Variants in NOCT observed in about 807,000 individuals in gnomAD.
NOCT encodes the protein CCR4 carbon catabolite repression 4-like.
NOCT carries 18 observed loss-of-function variants against 35.0 expected under a neutral mutation model. The observed-to-expected ratio is 0.51, with a 90% CI of 0.36 to 0.76. The LOEUF (loss-of-function observed/expected upper bound fraction) is 0.76, where lower values mean the gene tolerates loss of function less well. NOCT is among the 30% of genes least tolerant of loss of function. NOCT has a pLI of 0.01. For missense variants in NOCT, 479 were observed against 541.0 expected (o/e 0.89, Z 1.14); for synonymous variants, 235 against 226.3 (o/e 1.04, Z -0.34).
chr4:139,035,294 T>C (rs1183185228), intron 1 of NOCT, among the ~76,000 whole-genome samples: 1 of 152,068 alleles, frequency 6.6e-6, no homozygotes, highest in African/African-American at 2.4e-5. Context: ...GGTTAATTTG[T>C]TTTTGTTCTG....
chr4:139,016,233 G>C (rs1218637074), intron 1 of NOCT, 62 bp downstream of exon 1: 3 of 1,106,276 alleles, frequency 2.7e-6, no homozygotes, highest in Non-Finnish European at 2.3e-6. Flanking sequence ...CCGCCACCTG[G>C]AGACCGCGCG....
chr4:139,036,239 C>CT (rs1191719827), intron 1 of NOCT, among the ~76,000 whole-genome samples: 1 of 151,846 alleles, frequency 6.6e-6, no homozygotes, highest in Non-Finnish European at 1.5e-5. Flanking sequence ...GCACTAAAAC[C>CT]TTTTTTTTCC....
chr4:139,018,719 C>G (rs1726360335), intron 1 of NOCT, among the ~76,000 whole-genome samples: 1 of 152,088 alleles, frequency 6.6e-6, no homozygotes, highest in African/African-American at 2.4e-5. Context: ...AGTTTACTGC[C>G]CAGTAAGAGA....
At chr4:139,042,363 C>T (rs890950821) in intron 1 of NOCT, among the ~76,000 whole-genome samples, 1 of 152,036 alleles carries the variant, frequency 6.6e-6, no homozygotes, top group African/African-American at 2.4e-5. Context: ...GCCACCATGC[C>T]CAGCCTAGTC....
intron 1 of NOCT, among the ~76,000 whole-genome samples, chr4:139,023,901 C>G (rs920571553): frequency 6.6e-6 from 1 of 152,180 alleles, no homozygotes; most frequent in Admixed American, 6.6e-5. Flanking sequence ...GTCTCAGCAT[C>G]TGATGCGCCC....
In NOCT at chr4:139,045,482, C is replaced by A. The variant is rs142913176; in HGVS notation, c.*8C>A. On this transcript the variant is annotated 3_prime_UTR_variant, in exon 3 of 3. Transcript: ENST00000280614. ...TCTGATGGACTTTCATAAATACTTG[C>A]TTTTGTCTTTTTAATCACAGGAGTC... 67 of 875,412 alleles carry A rather than the reference C, an allele frequency of 7.7e-5. No individual in the cohort carries two copies. The African/African-American group carries it at 9.1e-4, about 12-fold the overall frequency. 54.2% of individuals were successfully genotyped at this position (875,412 alleles called of 1,614,324 possible).
At chr4:139,023,610 C>G (rs1038082845) in intron 1 of NOCT, among the ~76,000 whole-genome samples, 9 of 152,140 alleles carry the variant, frequency 5.9e-5, no homozygotes, top group African/African-American at 2.2e-4. Context: ...ATTCTCCTGC[C>G]TCAGCCTCCC....
chr4:139,044,536 G>T (rs529111888), intron 2 of NOCT, 103 bp from the exon 3 acceptor site: 45 of 684,380 alleles, frequency 6.6e-5, no homozygotes, highest in Non-Finnish European at 1.1e-4. Flanking sequence ...AGCATTTAAA[G>T]CAGAGGAAGC....
chr4:139,016,640 TG>T (rs1486703990), intron 1 of NOCT, among the ~76,000 whole-genome samples: 3 of 94,902 alleles, frequency 3.2e-5, no homozygotes, highest in African/African-American at 1.2e-4. Flanking sequence ...CGTTTTACGT[TG>T]TTTTTTTTTT....
chr4:139,021,365 T>G (rs1726409591), intron 1 of NOCT, among the ~76,000 whole-genome samples: 1 of 152,036 alleles, frequency 6.6e-6, no homozygotes, highest in African/African-American at 2.4e-5. Flanking sequence ...AAGCCTGTAA[T>G]CCCAGCACTT....
At chr4:139,034,545 C>T (rs1023873716) in intron 1 of NOCT, among the ~76,000 whole-genome samples, 5 of 151,814 alleles carry the variant, frequency 3.3e-5, no homozygotes, top group Non-Finnish European at 5.9e-5. Context: ...TTATTAATTC[C>T]CTAGCCCTGG....
In NOCT at chr4:139,034,495, T is replaced by C. The variant is rs75745651; in HGVS notation, c.191-8579T>C. Among the ~76,000 whole-genome samples the C allele has an allele frequency of 5.9e-3, 898 of 152,256 alleles. 10 individuals are homozygous for C. Among genetic ancestry groups the C allele is most frequent in the African/African-American group, 0.02 (840 of 41,538 alleles). ...GTAAGCCTTGGCACTGTGCTATAAG[T>C]ATAAAAATAATACGTAAAGTCTATC... On this transcript the variant is annotated intron_variant, in intron 1 of 2. Coordinates refer to ENST00000280614, the MANE Select transcript of NOCT (RefSeq NM_012118.4).
intron 1 of NOCT, among the ~76,000 whole-genome samples, chr4:139,041,467 C>G (rs1190055084): frequency 1.3e-5 from 2 of 152,128 alleles, no homozygotes; most frequent in Non-Finnish European, 1.5e-5. Flanking sequence ...GGATGTTACT[C>G]CCAGTAAAAT....
At chr4:139,026,916 C>G (rs1726531158) in intron 1 of NOCT, among the ~76,000 whole-genome samples, 1 of 6,944 alleles carries the variant, frequency 1.4e-4, no homozygotes, top group Non-Finnish European at 7.8e-4. Context: ...CGCTCTGTCG[C>G]CCAGGCTGGA....
At chr4:139,034,442 CTACAT>C (rs1560732528) in intron 1 of NOCT, among the ~76,000 whole-genome samples, 4 of 152,110 alleles carry the variant, frequency 2.6e-5, no homozygotes, top group African/African-American at 9.7e-5. Flanking sequence ...AATAGACTTA[CTACAT>C]TATAGTCCCT....
In NOCT at chr4:139,016,108, T is replaced by TC; in HGVS notation, c.133dup (p.Arg45ProfsTer32). On this transcript the variant is annotated frameshift_variant, in exon 1 of 3. Transcript: ENST00000280614. LOFTEE classifies it high-confidence loss of function. ...GCCGGCTGCTGTTCCCAGGCCCGCA[T>TC]CCCCCCGGCTGCTGGCGGCGGCCTC... 13 of 1,319,694 alleles carry TC rather than the reference T, an allele frequency of 9.9e-6. No homozygotes were observed. The highest frequency in any genetic ancestry group is 2.2e-5 in the South Asian group (1 of 44,758). 81.7% of individuals were successfully genotyped at this position (1,319,694 alleles called of 1,614,324 possible).
chr4:139,023,997 C>A (rs1004547266), intron 1 of NOCT, among the ~76,000 whole-genome samples: 23 of 150,552 alleles, frequency 1.5e-4, no homozygotes, highest in African/African-American at 5.6e-4. Flanking sequence ...TTCTTGAACT[C>A]CTGTTAGATT....
intron 1 of NOCT, among the ~76,000 whole-genome samples, chr4:139,034,004 C>G (rs1236384027): frequency 1.3e-5 from 2 of 152,048 alleles, no homozygotes; most frequent in Non-Finnish European, 2.9e-5. Flanking sequence ...GATTATAGCA[C>G]GTTTGAAATT....
At chr4:139,034,064 ATAGT>A (rs1221100063) in intron 1 of NOCT, among the ~76,000 whole-genome samples, 6 of 152,248 alleles carry the variant, frequency 3.9e-5, no homozygotes, top group Non-Finnish European at 5.9e-5. Context: ...AACTGAAAAT[ATAGT>A]TAAAGTTCAG....
Sources: allele counts gnomAD v4.1 joint callset (sites outside exome capture counted in the v4.1 genomes callset), GRCh38; gene constraint gnomAD v4.1.1; transcripts MANE v1.5; gene names NCBI Gene and HGNC (gene_info 2026-07-23, HGNC 2026-07-21).